Variants in SAMD12 observed in about 807,000 individuals in gnomAD.
SAMD12 encodes the protein sterile alpha motif domain-containing protein 12.
A neutral mutation model predicts 15.0 loss-of-function variants in SAMD12; 9 were observed. That is an observed-to-expected ratio of 0.60 (90% CI 0.36 to 1.05). SAMD12 has a LOEUF of 1.05. Among genes scored for constraint, SAMD12 ranks in the 50% least tolerant of loss-of-function variants. The pLI, the probability that SAMD12 is intolerant of heterozygous loss-of-function variation, is 0.01. For missense variants in SAMD12, 230 were observed against 234.2 expected (o/e 0.98, Z 0.12); for synonymous variants, 86 against 90.1 (o/e 0.96, Z 0.25).
At chr8:118,335,066 T>C (rs1430271517) in intron 4 of SAMD12, among the ~76,000 whole-genome samples, 1 of 152,194 alleles carries the variant, frequency 6.6e-6, no homozygotes, top group Non-Finnish European at 1.5e-5. Context: ...TTTTAAAATA[T>C]GTTCTCTTGT....
chr8:118,621,952 G>T lies in SAMD12; in HGVS notation c.-136C>A. 9.5e-7 allele frequency: 1 copy of T among 1,056,930 alleles called. No individual in the cohort carries two copies. Among genetic ancestry groups the T allele is most frequent in the Non-Finnish European group, 1.5e-6 (1 of 679,408 alleles). The allele number at this position is 1,056,930 out of a possible 1,614,324, so 65.5% of individuals were successfully genotyped here. On this transcript the variant is annotated 5_prime_UTR_variant, in exon 1 of 4. Coordinates refer to ENST00000314727, the MANE Select transcript of SAMD12 (RefSeq NM_207506.3). ...TCCAGGACCAACCTGCCGCGGTCAC[G>T]CAAAGCGAGGCAGCCGGCTCCCGGC...
chr8:118,367,538 C>T (rs1445885345), intron 4 of SAMD12, among the ~76,000 whole-genome samples: 1 of 152,178 alleles, frequency 6.6e-6, no homozygotes, highest in African/African-American at 2.4e-5. Flanking sequence ...CATAACAATG[C>T]AACCTTATGA....
chr8:118,132,988 A>G, the SAMD12 span, among the ~76,000 whole-genome samples: 339 of 67,428 alleles, frequency 5.0e-3, 11 homozygotes, highest in African/African-American at 0.016. Context: ...ATATATATAT[A>G]TATATATATA....
intron 2 of SAMD12, among the ~76,000 whole-genome samples, chr8:118,540,966 T>A (rs1036183638): frequency 6.6e-6 from 1 of 152,118 alleles, no homozygotes. Flanking sequence ...TTTCAGAAGA[T>A]GAAATGATGC....
In SAMD12 at chr8:118,466,278, A is replaced by G. The variant is rs1404382171; in HGVS notation, c.193-26317T>C. ...AGTGTATGGGATCAGGAGCCAAGACAAACTTAAAGCCATGTGGCCACAGCT... is the reference window on the plus strand; with the variant it reads ...AGTGTATGGGATCAGGAGCCAAGACGAACTTAAAGCCATGTGGCCACAGCT... On this transcript the variant is annotated intron_variant, in intron 2 of 3. Coordinates refer to ENST00000314727, the MANE Select transcript of SAMD12 (RefSeq NM_207506.3). 3.3e-5 allele frequency among the ~76,000 whole-genome samples: 5 copies of G among 152,342 alleles called. No individual in the cohort carries two copies. In the East Asian group the frequency reaches 7.7e-4, roughly 23 times the overall value.
the SAMD12 span, among the ~76,000 whole-genome samples, chr8:118,176,118 G>A: frequency 3.9e-5 from 6 of 152,064 alleles, no homozygotes; most frequent in South Asian, 2.1e-4. Flanking sequence ...TGGCTAACAC[G>A]GTGAAACCCC....
chr8:118,329,850 G>A (rs925468139), intron 4 of SAMD12, among the ~76,000 whole-genome samples: 2 of 152,060 alleles, frequency 1.3e-5, no homozygotes, highest in Non-Finnish European at 2.9e-5. Flanking sequence ...ATGGGTTTAT[G>A]TACAGTTTTG....
chr8:118,365,036 C>A (rs755677856), intron 4 of SAMD12, among the ~76,000 whole-genome samples: 4 of 152,284 alleles, frequency 2.6e-5, no homozygotes, highest in East Asian at 3.9e-4. Context: ...TGATTCACAA[C>A]CCTTCTGTAG....
intron 4 of SAMD12, among the ~76,000 whole-genome samples, chr8:118,205,741 G>A (rs1165318146): frequency 1.3e-5 from 2 of 152,094 alleles, no homozygotes; most frequent in African/African-American, 4.8e-5. Context: ...TACTGTCAGA[G>A]GAGTAGTTCT....
intron 2 of SAMD12, among the ~76,000 whole-genome samples, chr8:118,490,886 T>C (rs1007000562): frequency 3.3e-5 from 5 of 152,000 alleles, no homozygotes; most frequent in African/African-American, 1.2e-4. Context: ...AAGCCTTTTC[T>C]TTGGGTTGCT....
chr8:118,216,734 T>TA (rs1182151036), intron 4 of SAMD12, among the ~76,000 whole-genome samples: 7 of 152,190 alleles, frequency 4.6e-5, no homozygotes, highest in Non-Finnish European at 8.8e-5. Flanking sequence ...AAATAACTGA[T>TA]GTGCATAATG....
chr8:118,148,102 AT>A, the SAMD12 span, among the ~76,000 whole-genome samples: 16 of 151,176 alleles, frequency 1.1e-4, no homozygotes, highest in African/African-American at 3.9e-4. Context: ...TAATTTTTGT[AT>A]TTTTTTGGTA....
intron 4 of SAMD12, among the ~76,000 whole-genome samples, chr8:118,300,491 G>A (rs947256257): frequency 6.6e-6 from 1 of 152,202 alleles, no homozygotes; most frequent in African/African-American, 2.4e-5. Flanking sequence ...GAATTTTATG[G>A]TCAGGTTGAG....
At chr8:118,322,880 A>AC (rs1816356906) in intron 4 of SAMD12, among the ~76,000 whole-genome samples, 2 of 112,324 alleles carry the variant, frequency 1.8e-5, no homozygotes, top group South Asian at 4.5e-4. Context: ...AAATTAAAAA[A>AC]AATTTAAAAA....
chr8:118,560,093 G>C (rs1400182569), intron 2 of SAMD12, among the ~76,000 whole-genome samples: 1 of 152,220 alleles, frequency 6.6e-6, no homozygotes, highest in Non-Finnish European at 1.5e-5. Flanking sequence ...GCTCAGGGCT[G>C]AGAACGGGCC....
At chr8:118,375,442 T>C (rs1041298463), downstream of SAMD12, among the ~76,000 whole-genome samples, 1 of 152,200 alleles carries the variant, frequency 6.6e-6, no homozygotes, top group East Asian at 1.9e-4. Context: ...TTGTATGTTA[T>C]GTGAATTATA....
At chr8:118,327,986 A>T (rs1237851810) in intron 4 of SAMD12, among the ~76,000 whole-genome samples, 1 of 152,252 alleles carries the variant, frequency 6.6e-6, no homozygotes, top group Non-Finnish European at 1.5e-5. Context: ...GAGTCTTATT[A>T]TAGATACTAT....
At chr8:118,584,922 T>TATAC (rs1554590578) in intron 1 of SAMD12, among the ~76,000 whole-genome samples, 7,555 of 146,998 alleles carry the variant, frequency 0.051, 476 homozygotes, top group East Asian at 0.36. Context: ...CTTGTAGGTA[T>TATAC]ACACACACAC....
intron 4 of SAMD12, among the ~76,000 whole-genome samples, chr8:118,221,720 G>A (rs1812085937): frequency 6.6e-6 from 1 of 152,182 alleles, no homozygotes; most frequent in Admixed American, 6.6e-5. Flanking sequence ...AGCAGAGGGT[G>A]TGCCACGGTC....
Sources: gnomAD v4.1 joint callset for allele counts (sites outside exome capture counted in the v4.1 genomes callset) on GRCh38, gnomAD v4.1.1 for gene constraint, MANE v1.5 for transcripts, NCBI Gene and HGNC (gene_info 2026-07-23, HGNC 2026-07-21) for gene names.